Variants in SYN3 observed in about 807,000 individuals in gnomAD.
The protein encoded by SYN3 is synapsin III, also known as synapsin-3.
Under a neutral mutation model 65.8 loss-of-function variants are expected in SYN3, and 35 were observed. That is an observed-to-expected ratio of 0.53 (90% CI 0.41 to 0.70). SYN3 has a LOEUF of 0.70. Among genes scored for constraint, SYN3 ranks in the 30% least tolerant of loss-of-function variants. The pLI, the probability that SYN3 is intolerant of heterozygous loss-of-function variation, is 0.00. For missense variants in SYN3, 680 were observed against 749.0 expected, an observed-to-expected ratio of 0.91 and a Z score of 1.08; for synonymous variants, 270 against 292.9, an observed-to-expected ratio of 0.92 and a Z score of 0.80.
intron 7 of SYN3, among the ~76,000 whole-genome samples, chr22:32,586,036 ATG>A (rs137943466): frequency 1.9e-5 from 2 of 103,564 alleles, no homozygotes; most frequent in African/African-American, 1.2e-4. Flanking sequence ...GTATGTATAT[ATG>A]TATATGTATA....
At chr22:32,734,513 G>GCAGGCAGACAGA (rs1555941120) in intron 6 of SYN3, among the ~76,000 whole-genome samples, 76 of 151,442 alleles carry the variant, frequency 5.0e-4, no homozygotes, top group African/African-American at 1.6e-3. Context: ...AGGCAGGCAG[G>GCAGGCAGACAGA]CAGACAGACA....
At chr22:32,952,781 T>G (rs1404078499) in intron 3 of SYN3, among the ~76,000 whole-genome samples, 1 of 152,134 alleles carries the variant, frequency 6.6e-6, no homozygotes, top group East Asian at 1.9e-4. Flanking sequence ...AAATAGAATT[T>G]AAAAATAAAA....
chr22:32,809,128 T>C (rs571753777), intron 6 of SYN3, among the ~76,000 whole-genome samples: 46 of 152,230 alleles, frequency 3.0e-4, no homozygotes, highest in South Asian at 8.3e-4. Context: ...AGCTCCTTAC[T>C]TGCCTATCAG....
Position 32,643,550 on chromosome 22 carries a change from G to T in SYN3, c.712-46814C>A, listed in dbSNP as rs372845538. Among the ~76,000 whole-genome samples, 30 of 113,942 alleles carry T rather than the reference G, an allele frequency of 2.6e-4. 4 individuals are homozygous for T. The highest frequency in any genetic ancestry group is 8.1e-4 in the African/African-American group (21 of 25,786). The allele number at this position is 113,942 out of a possible 152,430, so 74.8% of individuals were successfully genotyped here. ...AATGAGAGGGCAAATTAGAAATGGT[G>T]GGGGGGCGGGGGGGGCAGAACAGAC... On this transcript the variant is annotated intron_variant, in intron 6 of 13. Coordinates refer to ENST00000358763, the MANE Select transcript of SYN3 (RefSeq NM_003490.4).
In SYN3 at chr22:32,789,532, C is replaced by T. The variant is rs147009683; in HGVS notation, c.711+75383G>A. Among the ~76,000 whole-genome samples, 871 of 152,284 alleles carry T rather than the reference C, an allele frequency of 5.7e-3. 13 individuals are homozygous for T. The highest frequency in any genetic ancestry group is 0.02 in the African/African-American group (834 of 41,550). On this transcript the variant is annotated intron_variant, in intron 6 of 13. Coordinates refer to ENST00000358763, the MANE Select transcript of SYN3 (RefSeq NM_003490.4). Reference sequence around the variant, plus strand: ...CGCTTTCAGTTCTGGAATGACTTTACTATGGGGTACTCCTAAGAAATGAAC... The same window carrying T: ...CGCTTTCAGTTCTGGAATGACTTTATTATGGGGTACTCCTAAGAAATGAAC...
chr22:32,515,944 G>A (rs542980484), intron 13 of SYN3, among the ~76,000 whole-genome samples: 4 of 152,164 alleles, frequency 2.6e-5, no homozygotes, highest in South Asian at 4.1e-4. Context: ...GACTACAGGC[G>A]CACGCTGCCG....
intron 6 of SYN3, among the ~76,000 whole-genome samples, chr22:32,713,120 T>C (rs1372519749): frequency 6.6e-6 from 1 of 152,236 alleles, no homozygotes. Context: ...ATTGAATGGA[T>C]GGATGAATGA....
chr22:32,571,607 G>A (rs1018418481), intron 7 of SYN3, among the ~76,000 whole-genome samples: 7 of 152,138 alleles, frequency 4.6e-5, no homozygotes, highest in African/African-American at 9.7e-5. Context: ...ACACCTTCAA[G>A]TCCTTCTCCC....
At chr22:33,008,976 A>AAC (rs1244355605) in intron 1 of SYN3, among the ~76,000 whole-genome samples, 1 of 147,506 alleles carries the variant, frequency 6.8e-6, no homozygotes, top group Non-Finnish European at 1.5e-5. Context: ...GAGAGAGAGA[A>AAC]AAGAAAAAGA....
chr22:32,632,462 T>C (rs1421655242), intron 6 of SYN3, among the ~76,000 whole-genome samples: 1 of 152,172 alleles, frequency 6.6e-6, no homozygotes, highest in Non-Finnish European at 1.5e-5. Context: ...CAGTGTTTGA[T>C]AAATCCTAAA....
chr22:32,546,963 C>G lies in SYN3; in HGVS notation c.775-5250G>C, dbSNP rs146719815. ...CCTTTCCTCTAACACTCCTTGCCTT[C>G]TCTCTTACTCTGTTTTGTTTTTTTG... On this transcript the variant is annotated intron_variant, in intron 7 of 13. Transcript: ENST00000358763. 4.6e-5 allele frequency among the ~76,000 whole-genome samples: 7 copies of G among 151,846 alleles called. No homozygotes were observed. In the East Asian group the frequency reaches 1.4e-3, roughly 29 times the overall value.
intron 3 of SYN3, among the ~76,000 whole-genome samples, chr22:32,937,548 GGA>G (rs964658622): frequency 7.2e-5 from 11 of 151,944 alleles, no homozygotes; most frequent in Non-Finnish European, 1.6e-4. Context: ...CAGAGAAGCA[GGA>G]GAGAGAGAGA....
chr22:32,553,188 G>T (rs2058441822), intron 7 of SYN3, among the ~76,000 whole-genome samples: 1 of 152,140 alleles, frequency 6.6e-6, no homozygotes. Context: ...GGGGATTAAG[G>T]CTCCAACATA....
At chr22:32,897,853 T>C (rs2049639999) in intron 4 of SYN3, among the ~76,000 whole-genome samples, 1 of 152,242 alleles carries the variant, frequency 6.6e-6, no homozygotes, top group Non-Finnish European at 1.5e-5. Flanking sequence ...AGGGTCTTGC[T>C]GTGTTACCCA....
chr22:32,941,146 T>TC (rs1569343017), intron 3 of SYN3, among the ~76,000 whole-genome samples: 1 of 152,050 alleles, frequency 6.6e-6, no homozygotes, highest in East Asian at 1.9e-4. Flanking sequence ...AACAAAAAAA[T>TC]CCACAATTCT....
At chr22:32,964,036 G>A (rs1569361541) in intron 3 of SYN3, among the ~76,000 whole-genome samples, 1 of 152,006 alleles carries the variant, frequency 6.6e-6, no homozygotes, top group Non-Finnish European at 1.5e-5. Context: ...AGGCCCTGAG[G>A]TGGGCTGGGT....
chr22:32,899,124 C>CAAAACAAAACAAAACAAAACAAA (rs1491045988), intron 4 of SYN3, among the ~76,000 whole-genome samples: 2 of 4,212 alleles, frequency 4.7e-4, no homozygotes, highest in Non-Finnish European at 1.2e-3. Context: ...AACAAAACAA[C>CAAAACAAAACAAAACAAAACAAA]GAAAAAAATG....
intron 1 of SYN3, among the ~76,000 whole-genome samples, chr22:33,013,476 T>G (rs1336400648): frequency 1.3e-5 from 2 of 152,224 alleles, no homozygotes; most frequent in Non-Finnish European, 2.9e-5. Flanking sequence ...ATTTCTGTGA[T>G]GTTTTGCTAT....
chr22:32,604,830 C>T (rs192227717), intron 6 of SYN3, among the ~76,000 whole-genome samples: 1 of 151,502 alleles, frequency 6.6e-6, no homozygotes, highest in Non-Finnish European at 1.5e-5. Flanking sequence ...ACGGTGAAAC[C>T]CACTCTCTAC....
Sources: gnomAD v4.1 joint callset for allele counts (sites outside exome capture counted in the v4.1 genomes callset) on GRCh38, gnomAD v4.1.1 for gene constraint, MANE v1.5 for transcripts, NCBI Gene and HGNC (gene_info 2026-07-23, HGNC 2026-07-21) for gene names.